Variants in TLL1 observed in about 807,000 individuals in gnomAD.
TLL1 encodes tolloid-like protein 1.
TLL1 carries 49 observed loss-of-function variants against 128.2 expected under a neutral mutation model. The ratio of observed to expected loss-of-function variants is 0.38; its 90% CI spans 0.30 to 0.48. The LOEUF (loss-of-function observed/expected upper bound fraction) is 0.48, where lower values mean the gene tolerates loss of function less well. TLL1 is among the 20% of genes least tolerant of loss of function. TLL1 has a pLI of 0.96. For synonymous variants in TLL1, 454 were observed against 418.8 expected, an observed-to-expected ratio of 1.08 and a Z score of -1.03; for missense variants, 1,123 against 1,242.0, an observed-to-expected ratio of 0.90 and a Z score of 1.44.
intron 15 of TLL1, 93 bp from the exon 16 acceptor site, chr4:166,065,590 T>G (rs924421182): frequency 7.7e-6 from 11 of 1,422,264 alleles, no homozygotes; most frequent in African/African-American, 1.4e-5. Flanking sequence ...ACCGTAAGAG[T>G]AAAATGGGAA....
intron 15 of TLL1, among the ~76,000 whole-genome samples, chr4:166,062,016 T>C (rs1002778193): frequency 2.0e-5 from 3 of 152,158 alleles, no homozygotes; most frequent in African/African-American, 7.2e-5. Context: ...TTGTCAAAGA[T>C]CAGATGGTTG....
intron 1 of TLL1, among the ~76,000 whole-genome samples, chr4:165,890,416 C>T (rs1731346382): frequency 6.6e-6 from 1 of 152,198 alleles, no homozygotes; most frequent in African/African-American, 2.4e-5. Flanking sequence ...AGATAAGTCC[C>T]TTCTGCCTAT....
chr4:165,915,047 ATTTGAG>A (rs1732718288), intron 1 of TLL1, among the ~76,000 whole-genome samples: 1 of 152,084 alleles, frequency 6.6e-6, no homozygotes, highest in South Asian at 2.1e-4. Flanking sequence ...ATTCTAATTT[ATTTGAG>A]TTACCCGTGG....
Position 165,874,010 on chromosome 4 carries a change from A to G in TLL1, c.106A>G (p.Thr36Ala). The change falls in exon 1 of 21, where the codon ACT becomes GCT. Residue 36 changes from threonine to alanine, a missense_variant. Around this residue, in one of 3 missense-constraint regions of TLL1, gnomAD observed 480 missense variants for 542.4 expected, o/e 0.89. Coordinates refer to ENST00000061240, the MANE Select transcript of TLL1 (RefSeq NM_012464.5). ...CTGCGCTGGCCTCGATTATGATTAC[A>G]CTTTTGATGGGAACGAAGAGGATAA... ...WVCAGLDYDY[T>A]FDGNEEDKTE... The G allele has an allele frequency of 6.2e-7, 1 of 1,614,050 alleles. No homozygotes were observed. Among genetic ancestry groups the G allele is most frequent in the Non-Finnish European group, 8.5e-7 (1 of 1,180,012 alleles).
In TLL1 at chr4:165,989,443, A is replaced by G. The variant is rs1263059410; in HGVS notation, c.232A>G (p.Thr78Ala). 6.2e-7 allele frequency: 1 copy of G among 1,612,860 alleles called. No homozygotes were observed. Among genetic ancestry groups the G allele is most frequent in the African/African-American group, 1.3e-5 (1 of 74,836 alleles). Residue 78 changes from threonine (T) to alanine (A), a missense_variant, in exon 2 of 21, where the codon ACA becomes GCA. Physicochemically the swap from Thr to Ala is moderately conservative, Grantham distance 58 (BLOSUM62 0). Transcript: ENST00000061240. ...CTTAAATATCTTTCAAATAGATAGGACAATTGACCTTACGCAGAACCCCTT... is the reference window on the plus strand; with the variant it reads ...CTTAAATATCTTTCAAATAGATAGGGCAATTGACCTTACGCAGAACCCCTT... Reference protein sequence around the residue: ...EDLNIFQIDRTIDLTQNPFGN... With the variant: ...EDLNIFQIDRAIDLTQNPFGN...
intron 15 of TLL1, among the ~76,000 whole-genome samples, chr4:166,061,692 C>T (rs140398263): frequency 0.015 from 2,314 of 152,160 alleles, 61 homozygotes; most frequent in African/African-American, 0.053. Flanking sequence ...ATATGATGAA[C>T]TTTTGCTGTG....
At chr4:166,064,637 G>A (rs1295388441) in intron 15 of TLL1, among the ~76,000 whole-genome samples, 1 of 151,910 alleles carries the variant, frequency 6.6e-6, no homozygotes, top group Non-Finnish European at 1.5e-5. Context: ...CAGAATAATG[G>A]GTTAGGCTTA....
intron 1 of TLL1, among the ~76,000 whole-genome samples, chr4:165,967,579 TG>T (rs1365035825): frequency 6.6e-6 from 1 of 152,208 alleles, no homozygotes; most frequent in Non-Finnish European, 1.5e-5. Flanking sequence ...TGGAAATATT[TG>T]TTAGCCATTT....
intron 1 of TLL1, among the ~76,000 whole-genome samples, chr4:165,875,388 G>T (rs1241004570): frequency 6.6e-6 from 1 of 152,136 alleles, no homozygotes; most frequent in Non-Finnish European, 1.5e-5. Flanking sequence ...TATGTGTGTT[G>T]TGTTCACATT....
chr4:165,947,015 A>ATTTGTATTTTG (rs1279364667), intron 1 of TLL1, among the ~76,000 whole-genome samples: 1 of 152,106 alleles, frequency 6.6e-6, no homozygotes, highest in African/African-American at 2.4e-5. Context: ...AAATACTGAG[A>ATTTGTATTTTG]GTATTACCTA....
intron 1 of TLL1, among the ~76,000 whole-genome samples, chr4:165,895,940 T>C (rs974849256): frequency 6.6e-5 from 10 of 152,150 alleles, no homozygotes; most frequent in African/African-American, 1.9e-4. Context: ...AGTCTTTTTT[T>C]ATTATTATTA....
intron 19 of TLL1, among the ~76,000 whole-genome samples, chr4:166,095,222 G>A (rs1017235125): frequency 7.9e-5 from 12 of 152,140 alleles, no homozygotes; most frequent in Admixed American, 4.6e-4. Context: ...GATTAGAAAT[G>A]TTGTAATGTG....
intron 5 of TLL1, among the ~76,000 whole-genome samples, chr4:166,003,181 A>T (rs1303681970): frequency 6.6e-6 from 1 of 152,182 alleles, no homozygotes; most frequent in African/African-American, 2.4e-5. Flanking sequence ...ATAATTACAA[A>T]AGCACTTGAA....
chr4:166,032,581 G>A (rs1249773504), intron 9 of TLL1, among the ~76,000 whole-genome samples: 1 of 151,876 alleles, frequency 6.6e-6, no homozygotes, highest in Non-Finnish European at 1.5e-5. Context: ...CAAATAAATT[G>A]GGAAAATGGA....
chr4:165,961,640 G>A (rs557260707), intron 1 of TLL1, among the ~76,000 whole-genome samples: 69 of 152,268 alleles, frequency 4.5e-4, no homozygotes, highest in African/African-American at 1.6e-3. Context: ...CAGTGGAATA[G>A]AGCAGAGAAC....
At chr4:165,938,112 T>C (rs750672314) in intron 1 of TLL1, among the ~76,000 whole-genome samples, 29 of 152,056 alleles carry the variant, frequency 1.9e-4, no homozygotes, top group Admixed American at 1.8e-3. Flanking sequence ...ATATGTACTT[T>C]AGAAAAAAGC....
intron 1 of TLL1, among the ~76,000 whole-genome samples, chr4:165,901,954 A>T (rs1009114138): frequency 6.6e-6 from 1 of 152,094 alleles, no homozygotes; most frequent in Non-Finnish European, 1.5e-5. Flanking sequence ...AGAGAGGAGG[A>T]ATCTAGAGAG....
chr4:165,922,099 G>C (rs1306831255), intron 1 of TLL1, among the ~76,000 whole-genome samples: 1 of 152,128 alleles, frequency 6.6e-6, no homozygotes, highest in African/African-American at 2.4e-5. Context: ...GCTGACTAGG[G>C]CTCTGGAACC....
chr4:166,001,845 A>G (rs1456474745), intron 5 of TLL1, among the ~76,000 whole-genome samples: 2 of 152,090 alleles, frequency 1.3e-5, no homozygotes, highest in Admixed American at 6.5e-5. Flanking sequence ...ATATCAATCA[A>G]TTGATGAAAA....
Sources: gnomAD v4.1 joint callset for allele counts (sites outside exome capture counted in the v4.1 genomes callset) on GRCh38, gnomAD v4.1.1 for gene constraint, gnomAD v4.1.1 regional missense constraint, MANE v1.5 for transcripts, NCBI Gene and HGNC (gene_info 2026-07-23, HGNC 2026-07-21) for gene names.